The following SEMA3E variants were observed in gnomAD, a reference collection of about 807,000 sequenced individuals.
SEMA3E encodes semaphorin 3E, also known as semaphorin-3E.
Under a neutral mutation model 93.6 loss-of-function variants are expected in SEMA3E, and 49 were observed. The ratio of observed to expected loss-of-function variants is 0.52; its 90% CI spans 0.42 to 0.66. The LOEUF (loss-of-function observed/expected upper bound fraction) is 0.66. Among genes scored for constraint, SEMA3E ranks in the 30% least tolerant of loss-of-function variants. The probability of loss-of-function intolerance (pLI) is 0.00; values close to 1 mark genes in which losing one functional copy is unlikely to be tolerated. For missense variants in SEMA3E, 906 were observed against 964.8 expected, an observed-to-expected ratio of 0.94 and a Z score of 0.81; for synonymous variants, 363 against 330.7, an observed-to-expected ratio of 1.10 and a Z score of -1.06.
intron 6 of SEMA3E, 138 bp downstream of exon 6, chr7:83,408,230 G>C (rs1274711440): frequency 1.1e-6 from 1 of 933,272 alleles, no homozygotes; most frequent in East Asian, 2.6e-5. Context: ...TTTAATTCAA[G>C]AATGTTGCTA....
At chr7:83,470,879 G>T (rs376498846) in intron 2 of SEMA3E, among the ~76,000 whole-genome samples, 36,567 of 85,184 alleles carry the variant, frequency 0.43, 4,759 homozygotes, top group Middle Eastern at 0.53. Flanking sequence ...TTTTTTTTTT[G>T]GATCTTAAAG....
intron 4 of SEMA3E, among the ~76,000 whole-genome samples, chr7:83,420,340 G>A (rs1788648685): frequency 6.6e-6 from 1 of 152,006 alleles, no homozygotes; most frequent in Non-Finnish European, 1.5e-5. Context: ...CCATTCAGAT[G>A]GACTGGAAGT....
intron 16 of SEMA3E, among the ~76,000 whole-genome samples, chr7:83,381,804 C>T (rs1301579768): frequency 6.6e-6 from 1 of 151,876 alleles, no homozygotes; most frequent in African/African-American, 2.4e-5. Flanking sequence ...TCATCTTGTA[C>T]TACCAATAGG....
At chr7:83,453,902 C>G (rs1472653853) in intron 4 of SEMA3E, among the ~76,000 whole-genome samples, 3 of 151,176 alleles carry the variant, frequency 2.0e-5, no homozygotes, top group African/African-American at 7.3e-5. Context: ...ATTACCCACT[C>G]TAGATTTTTA....
At chr7:83,560,155 T>C (rs756061290) in intron 1 of SEMA3E, among the ~76,000 whole-genome samples, 5 of 152,112 alleles carry the variant, frequency 3.3e-5, no homozygotes, top group African/African-American at 4.8e-5. Context: ...TATGTCATCA[T>C]GCATTTGTCC....
At chr7:83,486,502 C>T (rs1790259384) in intron 2 of SEMA3E, among the ~76,000 whole-genome samples, 1 of 152,114 alleles carries the variant, frequency 6.6e-6, no homozygotes, top group Non-Finnish European at 1.5e-5. Flanking sequence ...CCAAAGCAGA[C>T]ATATTACATC....
At chr7:83,533,964 T>C (rs1031718937) in intron 1 of SEMA3E, among the ~76,000 whole-genome samples, 3 of 152,286 alleles carry the variant, frequency 2.0e-5, no homozygotes, top group Admixed American at 1.3e-4. Context: ...CTCCTCTTTA[T>C]CCCAAGTTCT....
At chr7:83,601,328 A>G (rs949439741) in intron 1 of SEMA3E, among the ~76,000 whole-genome samples, 9 of 152,196 alleles carry the variant, frequency 5.9e-5, no homozygotes, top group Non-Finnish European at 1.2e-4. Flanking sequence ...CTTCAGTGAG[A>G]GCTACTTGGG....
intron 1 of SEMA3E, among the ~76,000 whole-genome samples, chr7:83,555,850 T>A (rs565560779): frequency 8.5e-5 from 13 of 152,308 alleles, no homozygotes; most frequent in African/African-American, 3.1e-4. Context: ...CTCTCATCCA[T>A]GGACATTTAA....
intron 4 of SEMA3E, among the ~76,000 whole-genome samples, chr7:83,456,915 C>T (rs902199331): frequency 4.6e-5 from 7 of 152,120 alleles, no homozygotes; most frequent in East Asian, 3.9e-4. Flanking sequence ...TGCCTAGCCA[C>T]GACTCTATTT....
intron 10 of SEMA3E, among the ~76,000 whole-genome samples, chr7:83,400,462 G>A (rs1319779006): frequency 1.3e-5 from 2 of 151,952 alleles, no homozygotes; most frequent in Non-Finnish European, 2.9e-5. Flanking sequence ...GTAAACTCAT[G>A]TTGTTGTACA....
intron 1 of SEMA3E, among the ~76,000 whole-genome samples, chr7:83,611,356 G>GTAAATTTATATATTATATATA (rs1182846388): frequency 3.6e-5 from 5 of 139,856 alleles, no homozygotes; most frequent in South Asian, 4.4e-4. Context: ...TAATATATGT[G>GTAAATTTATATATTATATATA]TAAATTTATA....
chr7:83,593,260 G>GTCTCTCTCTCTCTCTCTC (rs1186592715), intron 1 of SEMA3E, among the ~76,000 whole-genome samples: 2 of 96,334 alleles, frequency 2.1e-5, no homozygotes, highest in African/African-American at 9.4e-5. Context: ...CTCTCTCTCT[G>GTCTCTCTCTCTCTCTCTC]TCTCTCTCTC....
intron 4 of SEMA3E, among the ~76,000 whole-genome samples, chr7:83,463,386 C>T (rs1228851515): frequency 3.3e-5 from 5 of 152,136 alleles, no homozygotes; most frequent in African/African-American, 1.2e-4. Flanking sequence ...CTACAGTTCT[C>T]ATAACTTCCA....
At chr7:83,442,708 A>G (rs980956415) in intron 4 of SEMA3E, among the ~76,000 whole-genome samples, 6 of 151,884 alleles carry the variant, frequency 4.0e-5, no homozygotes, top group East Asian at 3.9e-4. Flanking sequence ...CTGTATGTTT[A>G]GACCATCCTC....
At chr7:83,520,483 C>T (rs114621075) in intron 1 of SEMA3E, among the ~76,000 whole-genome samples, 1,577 of 152,186 alleles carry the variant, frequency 0.01, 25 homozygotes, top group African/African-American at 0.033. Flanking sequence ...ACCACTGCTA[C>T]TTCACCAGTG....
intron 1 of SEMA3E, among the ~76,000 whole-genome samples, chr7:83,526,535 C>T (rs1791163723): frequency 6.6e-6 from 1 of 152,098 alleles, no homozygotes; most frequent in Non-Finnish European, 1.5e-5. Flanking sequence ...GATATAGGTG[C>T]TTGGCACTTT....
intron 1 of SEMA3E, among the ~76,000 whole-genome samples, chr7:83,501,398 C>T (rs1321847842): frequency 1.1e-4 from 16 of 152,246 alleles, no homozygotes; most frequent in South Asian, 2.1e-4. Flanking sequence ...GTATTCTCTA[C>T]GATCTGTATT....
At chr7:83,622,965 A>T (rs1793597221) in intron 1 of SEMA3E, among the ~76,000 whole-genome samples, 1 of 152,168 alleles carries the variant, frequency 6.6e-6, no homozygotes, top group Non-Finnish European at 1.5e-5. Context: ...CACATCCCGC[A>T]CATGTACCTT....
Sources: allele counts gnomAD v4.1 joint callset (sites outside exome capture counted in the v4.1 genomes callset), GRCh38; gene constraint gnomAD v4.1.1; transcripts MANE v1.5; gene names NCBI Gene and HGNC (gene_info 2026-07-23, HGNC 2026-07-21).